The following ITGA4 variants were observed in gnomAD, a reference collection of about 807,000 sequenced individuals.
ITGA4 encodes integrin subunit alpha 4.
In ITGA4, 63 loss-of-function variants were observed where a neutral mutation model predicts 133.6. The observed-to-expected ratio is 0.47, with a 90% CI of 0.38 to 0.58. The LOEUF is 0.58. Among genes scored for constraint, ITGA4 ranks in the 20% least tolerant of loss-of-function variants. ITGA4 has a pLI of 0.00. For missense variants in ITGA4, 1,076 were observed against 1,252.7 expected (o/e 0.86, Z 2.13); for synonymous variants, 483 against 438.0 (o/e 1.10, Z -1.28).
chr2:181,526,480 G>T (rs1243413214), intron 21 of ITGA4, among the ~76,000 whole-genome samples: 2 of 152,022 alleles, frequency 1.3e-5, no homozygotes, highest in Non-Finnish European at 2.9e-5. Context: ...TCAAATCACA[G>T]GCCTTTAAAA....
At chr2:181,501,388 T>A (rs1823336) in intron 15 of ITGA4, among the ~76,000 whole-genome samples, 33,615 of 152,066 alleles carry the variant, frequency 0.22, 4,501 homozygotes, top group Non-Finnish European at 0.29. Context: ...AAGAAGAGAT[T>A]ATATAGAACC....
At chr2:181,482,474 C>CT in intron 8 of ITGA4, 40 bp from the exon 9 acceptor site, 1 of 1,613,418 alleles carries the variant, frequency 6.2e-7, no homozygotes, top group Non-Finnish European at 8.5e-7. Context: ...AGTAACCCTG[C>CT]TTTTTTCTCA....
At chr2:181,485,721 T>C (rs1023919945) in intron 9 of ITGA4, among the ~76,000 whole-genome samples, 160 bp from the exon 10 acceptor site, 1 of 152,190 alleles carries the variant, frequency 6.6e-6, no homozygotes, top group Non-Finnish European at 1.5e-5. Context: ...TCAATAAATA[T>C]TTATTGAATT....
At chr2:181,460,564 A>ATGTGT (rs774251091) in intron 2 of ITGA4, among the ~76,000 whole-genome samples, 2 of 68,236 alleles carry the variant, frequency 2.9e-5, no homozygotes, top group African/African-American at 1.1e-4. Context: ...CTTCTGTAGA[A>ATGTGT]GAGTGTGTGT....
chr2:181,481,190 C>T (rs929340549), intron 6 of ITGA4, among the ~76,000 whole-genome samples: 3 of 152,102 alleles, frequency 2.0e-5, no homozygotes, highest in Middle Eastern at 3.4e-3. Flanking sequence ...TTTTTGTCAT[C>T]GAAAAGTCAT....
chr2:181,535,663 A>C lies in ITGA4; in HGVS notation c.*136A>C. On this transcript the variant is annotated 3_prime_UTR_variant, in exon 28 of 28. Transcript: ENST00000397033. Reference sequence around the variant, plus strand: ...TGATCTTGTGACATATTATGTCTTCATGCAAGGGGAAAATCTCAGCAATGA... The same window carrying C: ...TGATCTTGTGACATATTATGTCTTCCTGCAAGGGGAAAATCTCAGCAATGA... 1 of 1,119,682 alleles carries C rather than the reference A, an allele frequency of 8.9e-7. No individual in the cohort carries two copies. The allele number at this position is 1,119,682 out of a possible 1,614,324, so 69.4% of individuals were successfully genotyped here.
rs532518412 is a variant in ITGA4 at position 181,537,449 on chromosome 2, T to G, written c.*1922T>G. ...TACTTTGTTACTTGTATCATGAATTTTAAAACCCTACCACTTTAAGAAGAC... is the reference window on the plus strand; with the variant it reads ...TACTTTGTTACTTGTATCATGAATTGTAAAACCCTACCACTTTAAGAAGAC... On this transcript the variant is annotated 3_prime_UTR_variant, in exon 28 of 28. Transcript: ENST00000397033. The G allele has an allele frequency of 1.8e-5, 8 of 448,454 alleles. No homozygotes were observed. Among genetic ancestry groups the G allele is most frequent in the African/African-American group, 1.6e-4 (8 of 49,906 alleles). The allele number at this position is 448,454 out of a possible 1,614,324, so 27.8% of individuals were successfully genotyped here. A position where few individuals can be genotyped will look rare whatever the true frequency, so the allele number is the denominator to read the frequency against.
chr2:181,512,324 G>A (rs1686522713), intron 17 of ITGA4, among the ~76,000 whole-genome samples: 1 of 152,058 alleles, frequency 6.6e-6, no homozygotes, highest in Admixed American at 6.6e-5. Flanking sequence ...CTATTTTTGG[G>A]AGATTGGGAT....
intron 9 of ITGA4, among the ~76,000 whole-genome samples, chr2:181,483,197 A>C (rs192381341): frequency 7.4e-4 from 113 of 152,326 alleles, no homozygotes; most frequent in African/African-American, 2.5e-3. Context: ...CACAGTGGAT[A>C]TATTAGTTGC....
Position 181,482,327 on chromosome 2 carries a change from T to C in ITGA4, c.841-33T>C, listed in dbSNP as rs772115277. The C allele has an allele frequency of 1.4e-5, 22 of 1,566,630 alleles. No individual in the cohort carries two copies. In the South Asian group the frequency reaches 2.6e-4, roughly 19 times the overall value. On this transcript the variant is annotated intron_variant, in intron 7 of 27. Transcript: ENST00000397033. ...GTGGTGTTTTAAAAAATGTTATTCC[T>C]AAAAACTTTTCTAATTCTTTCCCTA...
At chr2:181,488,429 C>T (rs779870609) in intron 10 of ITGA4, among the ~76,000 whole-genome samples, 9 of 152,114 alleles carry the variant, frequency 5.9e-5, no homozygotes, top group Non-Finnish European at 1.2e-4. Flanking sequence ...TTAAAATATT[C>T]CTGCATATTT....
chr2:181,472,070 G>A lies in ITGA4; in HGVS notation c.320-2890G>A, dbSNP rs543557246. On this transcript the variant is annotated intron_variant, in intron 2 of 27. Transcript: ENST00000397033. ...GTGATGTTAGTAAGTGAGAAAGTGA[G>A]TAGTTTGTGGTGTGTGTAAACCTCA... 3.9e-5 allele frequency among the ~76,000 whole-genome samples: 6 copies of A among 152,350 alleles called. No homozygotes were observed. The East Asian group carries it at 1.2e-3, about 29-fold the overall frequency.
rs1176719960 is a variant in ITGA4 at position 181,501,474 on chromosome 2, A to G, written c.1695+2697A>G. 3.3e-5 allele frequency among the ~76,000 whole-genome samples: 5 copies of G among 152,282 alleles called. No homozygotes were observed. The South Asian group carries it at 1.0e-3, about 32-fold the overall frequency. On this transcript the variant is annotated intron_variant, in intron 15 of 27. Transcript: ENST00000397033. ...AGAAGTCACATGATCTAACATACGT[A>G]TACAAAGGAACACTCTAGCTGCTGT...
intron 2 of ITGA4, chr2:181,459,085 T>A (rs1685205185): frequency 6.6e-6 from 1 of 152,372 alleles, no homozygotes; most frequent in East Asian, 1.9e-4. Context: ...AAAGTGTTAC[T>A]GCTATATATA....
At chr2:181,463,772 C>G (rs960852886) in intron 2 of ITGA4, among the ~76,000 whole-genome samples, 1 of 152,080 alleles carries the variant, frequency 6.6e-6, no homozygotes, top group Admixed American at 6.6e-5. Flanking sequence ...GAGGTCTGTA[C>G]TAGCAAATCA....
At chr2:181,511,506 C>T (rs1686504964) in intron 16 of ITGA4, among the ~76,000 whole-genome samples, 193 bp from the exon 17 acceptor site, 1 of 151,828 alleles carries the variant, frequency 6.6e-6, no homozygotes, top group Admixed American at 6.6e-5. Context: ...CTCTTTTAGC[C>T]CTGCAAGTAA....
chr2:181,500,631 A>G (rs1265602253), intron 15 of ITGA4, among the ~76,000 whole-genome samples: 1 of 152,094 alleles, frequency 6.6e-6, no homozygotes, highest in Non-Finnish European at 1.5e-5. Context: ...TTACAATGAA[A>G]TGAAGTGGCA....
In ITGA4 at chr2:181,498,536, C is replaced by T. The variant is rs181645130; in HGVS notation, c.1541-87C>T. ...ATTCCAGATATTATTTCCAGTAGTC[C>T]ATATAACTTTAACTATTATCACTTC... On this transcript the variant is annotated intron_variant, in intron 14 of 27. Coordinates refer to ENST00000397033, the MANE Select transcript of ITGA4 (RefSeq NM_000885.6). 4.4e-5 allele frequency: 31 copies of T among 698,038 alleles called. No homozygotes were observed. In the East Asian group the frequency reaches 8.3e-4, roughly 19 times the overall value. The allele number at this position is 698,038 out of a possible 1,614,324, so 43.2% of individuals were successfully genotyped here.
chr2:181,517,498 G>C (rs1686630243), intron 17 of ITGA4, among the ~76,000 whole-genome samples: 1 of 152,030 alleles, frequency 6.6e-6, no homozygotes, highest in Non-Finnish European at 1.5e-5. Flanking sequence ...CATGGATTCT[G>C]TGCTGCTTTG....
Sources: allele counts gnomAD v4.1 joint callset (sites outside exome capture counted in the v4.1 genomes callset), GRCh38; gene constraint gnomAD v4.1.1; transcripts MANE v1.5; gene names NCBI Gene and HGNC (gene_info 2026-07-23, HGNC 2026-07-21).